Variants in DNAH5 observed in about 807,000 individuals in gnomAD.
DNAH5 encodes the protein axonemal beta dynein heavy chain 5.
In DNAH5, 372 loss-of-function variants were observed where a neutral mutation model predicts 518.2. The observed-to-expected ratio is 0.72, with a 90% CI of 0.66 to 0.78. The LOEUF is 0.78. Ranked by LOEUF, DNAH5 falls within the 30% of genes least tolerant of loss-of-function variation. The pLI is 0.00. For missense variants in DNAH5, 5,523 were observed against 5,687.0 expected (o/e 0.97, Z 0.93); for synonymous variants, 2,039 against 2,025.9 (o/e 1.01, Z -0.17).
intron 78 of DNAH5, among the ~76,000 whole-genome samples, chr5:13,693,661 C>CT (rs1197407569): frequency 6.6e-6 from 1 of 152,210 alleles, no homozygotes; most frequent in African/African-American, 2.4e-5. Flanking sequence ...AGGGATAATG[C>CT]TAACATCCTA....
intron 40 of DNAH5, among the ~76,000 whole-genome samples, chr5:13,821,619 T>C (rs1305340916): frequency 6.6e-6 from 1 of 152,204 alleles, no homozygotes; most frequent in Non-Finnish European, 1.5e-5. Flanking sequence ...GTCTATGCAC[T>C]TAATCATCAT....
Position 13,820,397 on chromosome 5 carries a change from T to A in DNAH5, c.6790A>T (p.Ser2264Cys). 6.2e-7 allele frequency: 1 copy of A among 1,611,350 alleles called. No homozygotes were observed. Among genetic ancestry groups the A allele is most frequent in the Non-Finnish European group, 8.5e-7 (1 of 1,179,092 alleles). ...ATGCAGGTGGTCTTCCCAGCCCCAC[T>A]GGGCCCCAGAGTCATCATCCCATGT... ...VRHGMMTLGP[S>C]GAGKTTCIHT... is the part of the protein sequence containing the mutation. The change falls in exon 41 of 79, where the codon AGT becomes TGT. Residue 2264 changes from serine to cysteine, a missense_variant. Coordinates refer to ENST00000265104, the MANE Select transcript of DNAH5 (RefSeq NM_001369.3).
In DNAH5 at chr5:13,713,693, G is replaced by A. The variant is rs75608412; in HGVS notation, c.13125+712C>T. Among the ~76,000 whole-genome samples the A allele has an allele frequency of 9.1e-3, 1,325 of 145,140 alleles. 20 individuals are homozygous for A. Among genetic ancestry groups the A allele is most frequent in the African/African-American group, 0.032 (1,254 of 39,616 alleles). ...ATGGACTTTGGGGACTTGGGGGGAA[G>A]AGTGTGAGGGGGGCGAGGAATAAAA... On this transcript the variant is annotated intron_variant, in intron 75 of 78. Coordinates refer to ENST00000265104, the MANE Select transcript of DNAH5 (RefSeq NM_001369.3).
At chr5:13,699,673 C>T (rs1741825519) in intron 78 of DNAH5, among the ~76,000 whole-genome samples, 1 of 152,194 alleles carries the variant, frequency 6.6e-6, no homozygotes, top group Non-Finnish European at 1.5e-5. Context: ...GAGATTGTGC[C>T]ACTGCACTCC....
intron 35 of DNAH5, among the ~76,000 whole-genome samples, chr5:13,836,165 A>G (rs1206233448): frequency 3.9e-5 from 6 of 152,324 alleles, no homozygotes; most frequent in South Asian, 2.1e-4. Context: ...GGAATGGCCA[A>G]CTTGCTAAAA....
intron 3 of DNAH5, among the ~76,000 whole-genome samples, chr5:13,927,337 C>G (rs948459001): frequency 2.0e-5 from 3 of 151,918 alleles, no homozygotes; most frequent in African/African-American, 7.3e-5. Context: ...ACTGAAAATA[C>G]AAAAATTAGT....
intron 15 of DNAH5, chr5:13,898,059 A>T (rs993453369): frequency 1.3e-5 from 2 of 152,262 alleles, no homozygotes; most frequent in African/African-American, 4.8e-5. Flanking sequence ...TGTACCTTCC[A>T]GCTTTCCTCA....
At chr5:13,786,015 C>G (rs890367702) in intron 52 of DNAH5, among the ~76,000 whole-genome samples, 164 bp downstream of exon 52, 1 of 152,014 alleles carries the variant, frequency 6.6e-6, no homozygotes, top group Non-Finnish European at 1.5e-5. Context: ...CTATAAGGTG[C>G]GACATGTTGC....
intron 41 of DNAH5, among the ~76,000 whole-genome samples, chr5:13,817,959 A>G (rs1358387618): frequency 6.6e-6 from 1 of 152,324 alleles, no homozygotes; most frequent in East Asian, 1.9e-4. Context: ...GAATTTATGA[A>G]GGTACTAATA....
chr5:13,707,134 T>C lies in DNAH5; in HGVS notation c.13338+989A>G, dbSNP rs1579836396. On this transcript the variant is annotated intron_variant, in intron 76 of 78. Coordinates refer to ENST00000265104, the MANE Select transcript of DNAH5 (RefSeq NM_001369.3). This position sits in a 1 kb window ranked among gnomAD's most constrained non-coding sequence, Gnocchi z 4.0. Reference sequence around the variant, plus strand: ...GGGCACACTGACAGACACCAGCATATACTGGCAGGACCAACAGACACCGCT... The same window carrying C: ...GGGCACACTGACAGACACCAGCATACACTGGCAGGACCAACAGACACCGCT... Among the ~76,000 whole-genome samples, 3 of 151,906 alleles carry C rather than the reference T, an allele frequency of 2.0e-5. No homozygotes were observed. In the East Asian group the frequency reaches 5.8e-4, roughly 29 times the overall value.
chr5:13,698,289 A>G (rs996424495), intron 78 of DNAH5, among the ~76,000 whole-genome samples: 1 of 152,222 alleles, frequency 6.6e-6, no homozygotes, highest in Non-Finnish European at 1.5e-5. Context: ...GACACCATGC[A>G]TGTGTTTTTT....
At chr5:13,725,508 T>A (rs1196018964) in intron 70 of DNAH5, among the ~76,000 whole-genome samples, 1 of 152,228 alleles carries the variant, frequency 6.6e-6, no homozygotes, top group Non-Finnish European at 1.5e-5. Flanking sequence ...AACACCCCAC[T>A]GTGGAGTGCT....
chr5:13,742,157 A>G (rs1451071883), intron 65 of DNAH5, among the ~76,000 whole-genome samples: 1 of 152,198 alleles, frequency 6.6e-6, no homozygotes, highest in Non-Finnish European at 1.5e-5. Context: ...TGCATAATAA[A>G]GTAGCTGAAA....
rs559040930 is a variant in DNAH5, at chr5:13,931,875, T to C, written c.58-631A>G. Reference sequence around the variant, plus strand: ...CATACTATAAAATGTTTTCATGCATTTCTCCCTTAACAATGCATCACGGAC... The same window carrying C: ...CATACTATAAAATGTTTTCATGCATCTCTCCCTTAACAATGCATCACGGAC... On this transcript the variant is annotated intron_variant, in intron 1 of 78. Coordinates refer to ENST00000265104, the MANE Select transcript of DNAH5 (RefSeq NM_001369.3). 3.9e-5 allele frequency among the ~76,000 whole-genome samples: 6 copies of C among 152,364 alleles called. No individual in the cohort carries two copies. In the South Asian group the frequency reaches 8.3e-4, roughly 21 times the overall value.
chr5:13,918,828 A>G (rs1168427775), intron 7 of DNAH5, among the ~76,000 whole-genome samples: 1 of 152,218 alleles, frequency 6.6e-6, no homozygotes, highest in Non-Finnish European at 1.5e-5. Flanking sequence ...CTAATATACA[A>G]GGACTAAAAA....
chr5:13,857,926 A>G (rs2151896874), intron 30 of DNAH5, among the ~76,000 whole-genome samples: 1 of 152,366 alleles, frequency 6.6e-6, no homozygotes, highest in East Asian at 1.9e-4. Flanking sequence ...TAACCTAGGC[A>G]ATAACATTCA....
intron 1 of DNAH5, among the ~76,000 whole-genome samples, chr5:14,011,316 C>T (rs1349836021): frequency 6.6e-6 from 1 of 152,160 alleles, no homozygotes; most frequent in East Asian, 1.9e-4. Context: ...ACGTCGCAGA[C>T]AACCAATGGC....
At chr5:13,698,870 G>A (rs551536813) in intron 78 of DNAH5, among the ~76,000 whole-genome samples, 1 of 152,336 alleles carries the variant, frequency 6.6e-6, no homozygotes, top group East Asian at 1.9e-4. Flanking sequence ...ATTTGTGAAT[G>A]ACCATAAAAG....
intron 17 of DNAH5, among the ~76,000 whole-genome samples, chr5:13,889,908 G>A (rs1772962879): frequency 6.6e-6 from 1 of 152,124 alleles, no homozygotes; most frequent in South Asian, 2.1e-4. Context: ...AGTGGGGGTG[G>A]TCTTGGAGAC....
Sources: allele counts gnomAD v4.1 joint callset (sites outside exome capture counted in the v4.1 genomes callset), GRCh38; gene constraint gnomAD v4.1.1; non-coding constraint Gnocchi (gnomAD v3.1); transcripts MANE v1.5; gene names NCBI Gene and HGNC (gene_info 2026-07-23, HGNC 2026-07-21).